Variants in NAV2 observed in about 807,000 individuals in gnomAD.
NAV2 encodes the protein helicase, APC down-regulated 1.
NAV2 carries 54 observed loss-of-function variants against 223.2 expected under a neutral mutation model. The ratio of observed to expected loss-of-function variants is 0.24; its 90% CI spans 0.19 to 0.30. NAV2 has a LOEUF of 0.30. Among genes scored for constraint, NAV2 ranks in the 10% least tolerant of loss-of-function variants. NAV2 has a pLI of 1.00. For missense variants in NAV2, 2,806 were observed against 3,147.5 expected (o/e 0.89, Z 2.60); for synonymous variants, 1,279 against 1,239.3 (o/e 1.03, Z -0.67).
chr11:19,555,354 G>T (rs187230945), intron 1 of NAV2, among the ~76,000 whole-genome samples: 41 of 152,324 alleles, frequency 2.7e-4, no homozygotes, highest in Non-Finnish European at 4.4e-4. Context: ...ATCAGGCAAG[G>T]TCTATCACCT....
At chr11:19,465,259 C>T (rs1001146760) in intron 1 of NAV2, among the ~76,000 whole-genome samples, 4 of 152,148 alleles carry the variant, frequency 2.6e-5, no homozygotes, top group African/African-American at 9.7e-5. Flanking sequence ...TCCTGATCCG[C>T]CAAAGAAAAG....
intron 1 of NAV2, among the ~76,000 whole-genome samples, chr11:19,457,973 G>GAGCCCA (rs1852015555): frequency 6.6e-6 from 1 of 152,166 alleles, no homozygotes; most frequent in South Asian, 2.1e-4. Context: ...ATGGCAGGGG[G>GAGCCCA]TCCTCCCTTC....
At chr11:19,695,200 C>G (rs917090566) in intron 1 of NAV2, among the ~76,000 whole-genome samples, 4 of 152,216 alleles carry the variant, frequency 2.6e-5, no homozygotes, top group African/African-American at 9.6e-5. Context: ...AGGTGGCCTT[C>G]AGGGAGTTGA....
chr11:19,935,854 T>TTG (rs1221903925), intron 7 of NAV2, among the ~76,000 whole-genome samples: 1 of 93,830 alleles, frequency 1.1e-5, no homozygotes, highest in African/African-American at 3.6e-5. Flanking sequence ...TGTTTCTGTT[T>TTG]TTTTTTTTTT....
At chr11:19,495,249 A>G (rs1240189882) in intron 1 of NAV2, among the ~76,000 whole-genome samples, 1 of 152,190 alleles carries the variant, frequency 6.6e-6, no homozygotes, top group African/African-American at 2.4e-5. Context: ...CATTCAATTC[A>G]GCAAGCAAGC....
intron 1 of NAV2, among the ~76,000 whole-genome samples, chr11:19,676,283 G>A (rs553133350): frequency 6.6e-6 from 1 of 150,604 alleles, no homozygotes; most frequent in African/African-American, 2.4e-5. Flanking sequence ...GAGATCTTGG[G>A]TTCATAACTG....
intron 1 of NAV2, among the ~76,000 whole-genome samples, chr11:19,681,429 C>A (rs1175098869): frequency 6.6e-6 from 1 of 152,058 alleles, no homozygotes; most frequent in Non-Finnish European, 1.5e-5. Context: ...AGCGTTTGAA[C>A]CCAGGTCTCT....
intron 1 of NAV2, among the ~76,000 whole-genome samples, chr11:19,794,015 C>T (rs371225331): frequency 8.5e-5 from 13 of 152,248 alleles, no homozygotes; most frequent in African/African-American, 2.6e-4. Flanking sequence ...AAACTGAAAT[C>T]GCCTCGTTTA....
chr11:19,645,744 G>A (rs958692291), intron 1 of NAV2, among the ~76,000 whole-genome samples: 1 of 151,852 alleles, frequency 6.6e-6, no homozygotes, highest in Non-Finnish European at 1.5e-5. Flanking sequence ...TGCGTTTTTT[G>A]CCATTACTTT....
chr11:19,928,332 C>T (rs2044982052), intron 6 of NAV2, among the ~76,000 whole-genome samples: 1 of 152,166 alleles, frequency 6.6e-6, no homozygotes, highest in Admixed American at 6.5e-5. Flanking sequence ...ATCTAATAAG[C>T]AATAAATATG....
Position 19,393,464 on chromosome 11 carries a change from T to C in NAV2, c.75+42437T>C, listed in dbSNP as rs557533173. On this transcript the variant is annotated intron_variant, in intron 1 of 37. Coordinates refer to the NAV2 transcript ENST00000360655. ...ATCCCATTCTACTTGCTGTGCTCCA[T>C]TGATTTAGAGGGGAAGCTGCGGATC... 7.2e-5 allele frequency among the ~76,000 whole-genome samples: 11 copies of C among 152,332 alleles called. No individual in the cohort carries two copies. In the South Asian group the frequency reaches 2.3e-3, roughly 32 times the overall value.
intron 1 of NAV2, among the ~76,000 whole-genome samples, chr11:19,417,486 C>T (rs1850424344): frequency 6.6e-6 from 1 of 152,186 alleles, no homozygotes; most frequent in Non-Finnish European, 1.5e-5. Flanking sequence ...AACACTTTTA[C>T]ACTGTTGGTG....
At chr11:19,422,155 C>A (rs894295691) in intron 1 of NAV2, among the ~76,000 whole-genome samples, 1 of 152,172 alleles carries the variant, frequency 6.6e-6, no homozygotes, top group Non-Finnish European at 1.5e-5. Context: ...CTGCTCCTAG[C>A]CCATGCTCTT....
intron 1 of NAV2, among the ~76,000 whole-genome samples, chr11:19,690,530 A>G (rs1177358371): frequency 6.6e-6 from 1 of 152,230 alleles, no homozygotes; most frequent in Non-Finnish European, 1.5e-5. Context: ...AGCATTTAGA[A>G]TCAGAATCAA....
chr11:20,045,920 C>CT (rs1029911924), intron 14 of NAV2, among the ~76,000 whole-genome samples: 18 of 152,102 alleles, frequency 1.2e-4, no homozygotes, highest in African/African-American at 4.1e-4. Context: ...GCCATATAAC[C>CT]TTTTTTAACA....
rs1233366816 is a variant in NAV2 at position 19,868,930 on chromosome 11, A to C, written c.444A>C (p.Glu148Asp). 1 of 1,613,904 alleles carries C rather than the reference A, an allele frequency of 6.2e-7. No individual in the cohort carries two copies. The highest frequency in any genetic ancestry group is 1.1e-5 in the South Asian group (1 of 91,064). Residue 148 changes from glutamate to aspartate, a missense_variant, in exon 4 of 38, where the codon GAA (glutamate) becomes GAC (aspartate). Physicochemically the swap from Glu to Asp is conservative, Grantham distance 45. Coordinates refer to ENST00000349880, the MANE Select transcript of NAV2 (RefSeq NM_145117.5). ...TTGTTGTTTTTCCCTCCTAGATTGAAAACATAGATGCCTGCTTGAATTTCC... is the reference window on the plus strand; with the variant it reads ...TTGTTGTTTTTCCCTCCTAGATTGACAACATAGATGCCTGCTTGAATTTCC... ...GCPKNRSQMI[E>D]NIDACLNFLA...
chr11:19,971,621 T>A (rs141317684), intron 10 of NAV2, among the ~76,000 whole-genome samples: 408 of 152,346 alleles, frequency 2.7e-3, no homozygotes, highest in African/African-American at 9.4e-3. Flanking sequence ...TATGGAAATC[T>A]GGTACCTTAA....
chr11:20,103,801 C>T, intron 34 of NAV2, 77 bp downstream of exon 34: 2 of 1,286,086 alleles, frequency 1.6e-6, no homozygotes, highest in Non-Finnish European at 2.3e-6. Context: ...GGTAGAGATG[C>T]CTGTGTTGAG....
intron 1 of NAV2, among the ~76,000 whole-genome samples, chr11:19,811,982 G>A (rs1362079230): frequency 6.6e-6 from 1 of 152,136 alleles, no homozygotes; most frequent in Non-Finnish European, 1.5e-5. Flanking sequence ...TTCCCAGACT[G>A]TAGTATGCAT....
Sources: gnomAD v4.1 joint callset for allele counts (sites outside exome capture counted in the v4.1 genomes callset) on GRCh38, gnomAD v4.1.1 for gene constraint, MANE v1.5 for transcripts, NCBI Gene and HGNC (gene_info 2026-07-23, HGNC 2026-07-21) for gene names.